The following LOC128092252 variants were observed in gnomAD, a reference collection of about 807,000 sequenced individuals.
the LOC128092252 span, among the ~76,000 whole-genome samples, chr15:50,677,389 T>C: frequency 6.6e-5 from 10 of 151,550 alleles, no homozygotes; most frequent in East Asian, 1.9e-3. Flanking sequence ...GCGAGGGAGA[T>C]CACATTCAGT....
the LOC128092252 span, among the ~76,000 whole-genome samples, chr15:50,677,992 C>T: frequency 6.6e-6 from 1 of 151,894 alleles, no homozygotes; most frequent in Non-Finnish European, 1.5e-5. Flanking sequence ...ATAATCCCAG[C>T]ACTTTGGGAG....
At chr15:50,665,907 T>G in the LOC128092252 span, among the ~76,000 whole-genome samples, 2 of 152,046 alleles carry the variant, frequency 1.3e-5, no homozygotes, top group African/African-American at 4.8e-5. Flanking sequence ...GCAGGAGAAC[T>G]GCTTGAACGT....
the LOC128092252 span, among the ~76,000 whole-genome samples, chr15:50,679,406 A>G: frequency 6.8e-6 from 1 of 147,258 alleles, no homozygotes; most frequent in African/African-American, 2.6e-5. Context: ...CCCATTATCT[A>G]TCAGTGAGCA....
chr15:50,686,408 A>C, the LOC128092252 span: 1 of 1,524,650 alleles, frequency 6.6e-7, no homozygotes, highest in Non-Finnish European at 9.1e-7. Flanking sequence ...GGAAGCCTCA[A>C]GGCAATTCGA....
the LOC128092252 span, among the ~76,000 whole-genome samples, chr15:50,652,297 C>T: frequency 3.3e-5 from 4 of 119,992 alleles, no homozygotes; most frequent in South Asian, 2.8e-4. Context: ...CATGCCACTG[C>T]ACTGCAGCCT....
At chr15:50,680,993 C>T in the LOC128092252 span, among the ~76,000 whole-genome samples, 1 of 152,074 alleles carries the variant, frequency 6.6e-6, no homozygotes, top group Non-Finnish European at 1.5e-5. Flanking sequence ...TGGCTCATGC[C>T]TGTAATCCCA....
At chr15:50,680,123 A>T in the LOC128092252 span, among the ~76,000 whole-genome samples, 2 of 151,902 alleles carry the variant, frequency 1.3e-5, no homozygotes, top group African/African-American at 2.4e-5. Context: ...AATCCTAGCT[A>T]CTCGGGAGGC....
At chr15:50,679,538 A>ATATTTTTTTTTTTTT in the LOC128092252 span, among the ~76,000 whole-genome samples, 4 of 43,902 alleles carry the variant, frequency 9.1e-5, no homozygotes, top group African/African-American at 3.2e-4. Context: ...ATATATATAT[A>ATATTTTTTTTTTTTT]TTTTTTTTTT....
At chr15:50,673,207 C>CAGG in the LOC128092252 span, among the ~76,000 whole-genome samples, 4 of 152,240 alleles carry the variant, frequency 2.6e-5, no homozygotes, top group Admixed American at 2.6e-4. Flanking sequence ...GAACAACTTC[C>CAGG]AGGTCCACAA....
At chr15:50,661,721 T>G in the LOC128092252 span, among the ~76,000 whole-genome samples, 3 of 152,000 alleles carry the variant, frequency 2.0e-5, no homozygotes, top group Non-Finnish European at 4.4e-5. Context: ...CTAACAGAAA[T>G]GAAAGTTGCA....
chr15:50,651,603 C>G, the LOC128092252 span, among the ~76,000 whole-genome samples: 1 of 151,998 alleles, frequency 6.6e-6, no homozygotes, highest in Non-Finnish European at 1.5e-5. Flanking sequence ...TCAATATTAG[C>G]CTGGCAACAT....
the LOC128092252 span, among the ~76,000 whole-genome samples, chr15:50,680,833 G>A: frequency 6.6e-6 from 1 of 152,116 alleles, no homozygotes; most frequent in Non-Finnish European, 1.5e-5. Context: ...TAGTTTGGCA[G>A]GTCAACACCT....
At chr15:50,649,951 T>C in the LOC128092252 span, among the ~76,000 whole-genome samples, 2 of 151,812 alleles carry the variant, frequency 1.3e-5, no homozygotes, top group African/African-American at 4.8e-5. Flanking sequence ...TCCCAGCACT[T>C]TGGGAGGCCG....
At chr15:50,676,379 A>C in the LOC128092252 span, among the ~76,000 whole-genome samples, 2 of 152,094 alleles carry the variant, frequency 1.3e-5, no homozygotes, top group African/African-American at 4.8e-5. Flanking sequence ...AGTAGGTCCT[A>C]TTAGGCTAAC....
At chr15:50,679,538 ATT>A in the LOC128092252 span, among the ~76,000 whole-genome samples, 175 of 43,880 alleles carry the variant, frequency 4.0e-3, 2 homozygotes, top group East Asian at 0.042. Context: ...ATATATATAT[ATT>A]TTTTTTTTTT....
At chr15:50,662,979 T>C in the LOC128092252 span, 2 of 1,613,072 alleles carry the variant, frequency 1.2e-6, no homozygotes, top group African/African-American at 2.7e-5. Context: ...GTGAGGGTCC[T>C]TGGAACTTGG....
chr15:50,683,719 CA>C, the LOC128092252 span, among the ~76,000 whole-genome samples: 2 of 150,502 alleles, frequency 1.3e-5, no homozygotes, highest in African/African-American at 2.4e-5. Flanking sequence ...GACTCTGTTC[CA>C]AAAAAAACAA....
chr15:50,650,730 G>C, the LOC128092252 span, among the ~76,000 whole-genome samples: 1 of 151,920 alleles, frequency 6.6e-6, no homozygotes, highest in East Asian at 1.9e-4. Flanking sequence ...ATCAGACCTA[G>C]ACAGCCCATG....
chr15:50,670,241 G>A, the LOC128092252 span, among the ~76,000 whole-genome samples: 1 of 152,048 alleles, frequency 6.6e-6, no homozygotes, highest in Non-Finnish European at 1.5e-5. Flanking sequence ...ATAAAAGAAG[G>A]GGGGAAACGT....
Sources: gnomAD v4.1 joint callset for allele counts (sites outside exome capture counted in the v4.1 genomes callset) on GRCh38, gnomAD v4.1.1 for gene constraint, MANE v1.5 for transcripts.